IL1RAPL2: variants seen among roughly 807,000 people sequenced by gnomAD.
The protein encoded by IL1RAPL2 is X-linked interleukin-1 receptor accessory protein-like 2.
Under a neutral mutation model 44.1 loss-of-function variants are expected in IL1RAPL2, and 3 were observed. The ratio of observed to expected loss-of-function variants is 0.07; its 90% CI spans 0.03 to 0.18. The LOEUF (loss-of-function observed/expected upper bound fraction) is 0.18, where lower values mean the gene tolerates loss of function less well. IL1RAPL2 is among the 10% of genes least tolerant of loss of function. The pLI, the probability that IL1RAPL2 is intolerant of heterozygous loss-of-function variation, is 1.00. For synonymous variants in IL1RAPL2, 181 were observed against 178.8 expected, an observed-to-expected ratio of 1.01 and a Z score of -0.10; for missense variants, 391 against 496.4, an observed-to-expected ratio of 0.79 and a Z score of 2.02.
chrX:105,241,089 C>T (rs782160741), intron 4 of IL1RAPL2, among the ~76,000 whole-genome samples: 4 of 111,436 alleles, frequency 3.6e-5, no homozygotes, highest in African/African-American at 9.8e-5. Flanking sequence ...CTTATTTTGA[C>T]GGTGCTTCCC....
chrX:104,602,461 G>A (rs777328617), intron 1 of IL1RAPL2, among the ~76,000 whole-genome samples: 1 of 111,203 alleles, frequency 9.0e-6, no homozygotes, highest in Non-Finnish European at 1.9e-5. Flanking sequence ...ATGGCACCTG[G>A]AACACCAGTG....
intron 2 of IL1RAPL2, among the ~76,000 whole-genome samples, chrX:105,041,469 G>T (rs971884049): frequency 1.2e-4 from 13 of 110,576 alleles, no homozygotes; most frequent in Non-Finnish European, 7.6e-5. Context: ...GTCTAACGTT[G>T]ACAGTGGGGT....
At chrX:105,051,702 G>A (rs2031928397) in intron 2 of IL1RAPL2, among the ~76,000 whole-genome samples, 1 of 113,203 alleles carries the variant, frequency 8.8e-6, no homozygotes, top group Non-Finnish European at 1.9e-5. Context: ...GCTGCATGGA[G>A]TGTGCAGCTC....
At chrX:105,380,183 T>C (rs2035419030) in intron 5 of IL1RAPL2, among the ~76,000 whole-genome samples, 1 of 111,880 alleles carries the variant, frequency 8.9e-6, no homozygotes, top group South Asian at 3.7e-4. Context: ...TATATGCCTT[T>C]GATGAATAGA....
At chrX:105,136,126 A>G (rs1023509271) in intron 2 of IL1RAPL2, among the ~76,000 whole-genome samples, 1 of 112,172 alleles carries the variant, frequency 8.9e-6, no homozygotes, top group African/African-American at 3.2e-5. Flanking sequence ...GCATTATCGA[A>G]TGTATTCAAG....
chrX:105,076,940 T>C lies in IL1RAPL2; in HGVS notation c.83-118535T>C, dbSNP rs780812799. 1.5e-3 allele frequency among the ~76,000 whole-genome samples: 169 copies of C among 111,104 alleles called. 1 individual carries two copies. Among genetic ancestry groups the C allele is most frequent in the Non-Finnish European group, 2.7e-3 (144 of 53,046 alleles). Reference sequence around the variant, plus strand: ...TTTATTTTGAGTCTATGTGTGTCTCTGCGTGTGAGATGGGGTTCCTGAATA... The same window carrying C: ...TTTATTTTGAGTCTATGTGTGTCTCCGCGTGTGAGATGGGGTTCCTGAATA... On this transcript the variant is annotated intron_variant, in intron 2 of 10. Coordinates refer to ENST00000372582, the MANE Select transcript of IL1RAPL2 (RefSeq NM_017416.2).
chrX:105,214,708 T>C (rs1424457675), intron 3 of IL1RAPL2, among the ~76,000 whole-genome samples: 2 of 111,852 alleles, frequency 1.8e-5, no homozygotes, highest in African/African-American at 6.5e-5. Flanking sequence ...TACTCTAAAA[T>C]TGACCACATA....
intron 5 of IL1RAPL2, among the ~76,000 whole-genome samples, chrX:105,445,364 G>A (rs762323005): frequency 2.3e-4 from 25 of 110,418 alleles, no homozygotes; most frequent in African/African-American, 7.6e-4. Flanking sequence ...TTCCTTGATC[G>A]TTTTTATTAT....
At chrX:104,915,873 A>G (rs1924408857) in intron 2 of IL1RAPL2, among the ~76,000 whole-genome samples, 1 of 111,490 alleles carries the variant, frequency 9.0e-6, no homozygotes, top group African/African-American at 3.3e-5. Flanking sequence ...AAGATCAGAT[A>G]GTTGTAGATA....
chrX:104,782,846 T>G (rs1932781423), intron 2 of IL1RAPL2, among the ~76,000 whole-genome samples: 1 of 111,995 alleles, frequency 8.9e-6, no homozygotes, highest in South Asian at 3.8e-4. Flanking sequence ...GCAACCCTAT[T>G]TGAGTTGCAA....
intron 2 of IL1RAPL2, among the ~76,000 whole-genome samples, chrX:104,776,058 T>C (rs1932713968): frequency 8.9e-6 from 1 of 112,168 alleles, no homozygotes; most frequent in African/African-American, 3.2e-5. Context: ...AGTCCATTGA[T>C]GTCCCTTTCC....
intron 1 of IL1RAPL2, among the ~76,000 whole-genome samples, chrX:104,657,817 G>A (rs1357603224): frequency 8.9e-6 from 1 of 111,898 alleles, no homozygotes; most frequent in Non-Finnish European, 1.9e-5. Context: ...GATATGAACA[G>A]AGACTTCTCA....
chrX:105,650,705 A>G (rs1397679463), intron 6 of IL1RAPL2, among the ~76,000 whole-genome samples: 1 of 111,688 alleles, frequency 9.0e-6, no homozygotes, highest in African/African-American at 3.3e-5. Flanking sequence ...TCCCTCTATC[A>G]TTAGCTCTAT....
intron 4 of IL1RAPL2, among the ~76,000 whole-genome samples, chrX:105,265,943 A>G (rs945661923): frequency 1.8e-5 from 2 of 111,415 alleles, no homozygotes; most frequent in African/African-American, 6.5e-5. Context: ...TGTATACACC[A>G]TAGTGGGGAA....
At chrX:105,628,167 AT>A (rs1025556423) in intron 6 of IL1RAPL2, among the ~76,000 whole-genome samples, 4 of 110,456 alleles carry the variant, frequency 3.6e-5, no homozygotes, top group African/African-American at 9.9e-5. Context: ...TACCCATTTC[AT>A]TTTTTTTCTT....
At chrX:105,667,889 G>A (rs955527948) in intron 6 of IL1RAPL2, among the ~76,000 whole-genome samples, 2 of 111,111 alleles carry the variant, frequency 1.8e-5, no homozygotes, top group Admixed American at 9.6e-5. Flanking sequence ...AAGTATACAA[G>A]TAACAATTAA....
At chrX:105,159,387 C>A (rs1360078971) in intron 2 of IL1RAPL2, among the ~76,000 whole-genome samples, 3 of 111,852 alleles carry the variant, frequency 2.7e-5, no homozygotes, top group Non-Finnish European at 5.6e-5. Context: ...TCTGAAGATT[C>A]CTACAGAAGT....
At chrX:104,631,294 A>G (rs1413359286) in intron 1 of IL1RAPL2, among the ~76,000 whole-genome samples, 5 of 112,015 alleles carry the variant, frequency 4.5e-5, no homozygotes, top group African/African-American at 1.6e-4. Context: ...TACCAAAATA[A>G]ACATATGTGT....
intron 6 of IL1RAPL2, among the ~76,000 whole-genome samples, chrX:105,609,570 G>A (rs1446858718): frequency 9.0e-6 from 1 of 111,626 alleles, no homozygotes; most frequent in Non-Finnish European, 1.9e-5. Context: ...CCTGAGTATG[G>A]CGAAGATGTT....
Sources: allele counts gnomAD v4.1 joint callset (sites outside exome capture counted in the v4.1 genomes callset), GRCh38; gene constraint gnomAD v4.1.1; transcripts MANE v1.5; gene names NCBI Gene and HGNC (gene_info 2026-07-23, HGNC 2026-07-21).